The following CNTN5 variants were observed in gnomAD, a reference collection of about 807,000 sequenced individuals.
CNTN5 encodes the protein contactin-5.
CNTN5 carries 77 observed loss-of-function variants against 129.1 expected under a neutral mutation model. The ratio of observed to expected loss-of-function variants is 0.60; its 90% confidence interval spans 0.50 to 0.72. The LOEUF is 0.72. CNTN5 is among the 30% of genes least tolerant of loss of function. The pLI is 0.00. For missense variants in CNTN5, 1,478 were observed against 1,328.8 expected, an observed-to-expected ratio of 1.11 and a Z score of -1.75; for synonymous variants, 509 against 465.6, an observed-to-expected ratio of 1.09 and a Z score of -1.20.
At chr11:100,291,038 C>T (rs1165701484) in intron 18 of CNTN5, among the ~76,000 whole-genome samples, 12 of 148,750 alleles carry the variant, frequency 8.1e-5, no homozygotes, top group Non-Finnish European at 1.7e-4. Flanking sequence ...CAGAGAAATG[C>T]AAATCAAAAC....
At chr11:99,600,610 G>T (rs1307746467) in intron 3 of CNTN5, among the ~76,000 whole-genome samples, 1 of 152,038 alleles carries the variant, frequency 6.6e-6, no homozygotes, top group Non-Finnish European at 1.5e-5. Context: ...GAGGATTGGG[G>T]TACTGTTCTC....
intron 1 of CNTN5, among the ~76,000 whole-genome samples, chr11:99,296,971 G>A (rs191062695): frequency 2.9e-4 from 44 of 152,238 alleles, no homozygotes; most frequent in Admixed American, 8.5e-4. Context: ...CCTAGGTGGG[G>A]AATTGAACCA....
intron 2 of CNTN5, among the ~76,000 whole-genome samples, chr11:99,534,533 A>T (rs933804130): frequency 1.3e-5 from 2 of 152,362 alleles, no homozygotes; most frequent in South Asian, 4.1e-4. Context: ...TTGATGGACA[A>T]TTTATGCTAT....
At chr11:99,728,087 T>C (rs1026848006) in intron 3 of CNTN5, among the ~76,000 whole-genome samples, 5 of 152,172 alleles carry the variant, frequency 3.3e-5, no homozygotes, top group African/African-American at 1.2e-4. Context: ...CACCTGTATA[T>C]TAGAATCAGT....
chr11:99,505,670 A>G (rs1359362871), intron 2 of CNTN5, among the ~76,000 whole-genome samples: 4 of 152,336 alleles, frequency 2.6e-5, no homozygotes, highest in Non-Finnish European at 5.9e-5. Flanking sequence ...GGAAGATAAC[A>G]CAATTATATC....
chr11:100,343,895 C>CA (rs1490962302), intron 23 of CNTN5, among the ~76,000 whole-genome samples: 1 of 151,990 alleles, frequency 6.6e-6, no homozygotes, highest in Non-Finnish European at 1.5e-5. Flanking sequence ...GTGTCACTTA[C>CA]AAAAATTAAT....
intron 3 of CNTN5, among the ~76,000 whole-genome samples, chr11:99,689,163 G>T (rs551514369): frequency 1.3e-5 from 2 of 152,042 alleles, no homozygotes; most frequent in Non-Finnish European, 2.9e-5. Context: ...CTGCTTCTAG[G>T]TTTCTGAGAA....
chr11:99,839,421 A>G (rs537074991), intron 4 of CNTN5, among the ~76,000 whole-genome samples: 1 of 152,074 alleles, frequency 6.6e-6, no homozygotes, highest in African/African-American at 2.4e-5. Flanking sequence ...TTATATATAT[A>G]TATTTTTTTC....
At chr11:99,931,888 G>C (rs1002759742) in intron 7 of CNTN5, among the ~76,000 whole-genome samples, 1 of 152,150 alleles carries the variant, frequency 6.6e-6, no homozygotes, top group Non-Finnish European at 1.5e-5. Context: ...ATTCCAGAGA[G>C]TATCTAAGCT....
chr11:100,300,157 G>T (rs1951186899), intron 20 of CNTN5, among the ~76,000 whole-genome samples: 1 of 151,380 alleles, frequency 6.6e-6, no homozygotes, highest in Non-Finnish European at 1.5e-5. Flanking sequence ...ACTGTAAAGT[G>T]GTTATACTCA....
chr11:99,176,134 T>G (rs115831429), intron 1 of CNTN5, among the ~76,000 whole-genome samples: 1 of 152,350 alleles, frequency 6.6e-6, no homozygotes, highest in African/African-American at 2.4e-5. Flanking sequence ...AAGAATGATT[T>G]GTGATACTGT....
At chr11:99,535,453 G>C (rs759697611) in intron 2 of CNTN5, among the ~76,000 whole-genome samples, 1 of 152,078 alleles carries the variant, frequency 6.6e-6, no homozygotes, top group Non-Finnish European at 1.5e-5. Flanking sequence ...CTTCTTTGGT[G>C]CTATAGAAAA....
intron 6 of CNTN5, among the ~76,000 whole-genome samples, chr11:99,855,063 C>A (rs12417931): frequency 0.094 from 14,289 of 152,130 alleles, 1,302 homozygotes; most frequent in East Asian, 0.41. Flanking sequence ...AGTTGCAGCA[C>A]TTTGAGAGGC....
At chr11:99,947,405 C>A (rs569473600) in intron 7 of CNTN5, among the ~76,000 whole-genome samples, 1 of 151,310 alleles carries the variant, frequency 6.6e-6, no homozygotes, top group Non-Finnish European at 1.5e-5. Context: ...GAAAATAAAC[C>A]ATTTCAGTGC....
At chr11:99,394,635 A>G (rs2136195374) in intron 2 of CNTN5, among the ~76,000 whole-genome samples, 1 of 151,642 alleles carries the variant, frequency 6.6e-6, no homozygotes, top group Admixed American at 6.6e-5. Flanking sequence ...AGATTATTTC[A>G]TCACCCAGGT....
At chr11:100,062,233 T>C (rs1190314316) in intron 10 of CNTN5, among the ~76,000 whole-genome samples, 2 of 152,194 alleles carry the variant, frequency 1.3e-5, no homozygotes, top group Admixed American at 6.6e-5. Context: ...TTTGAATATA[T>C]AGTTATCCAA....
chr11:99,986,449 C>T (rs1938683331), intron 8 of CNTN5, among the ~76,000 whole-genome samples: 1 of 152,160 alleles, frequency 6.6e-6, no homozygotes, highest in East Asian at 1.9e-4. Context: ...TGCTACACCA[C>T]TAATTACAAA....
At chr11:99,192,707 C>A (rs1381378118) in intron 1 of CNTN5, among the ~76,000 whole-genome samples, 1 of 151,968 alleles carries the variant, frequency 6.6e-6, no homozygotes, top group Non-Finnish European at 1.5e-5. Flanking sequence ...CTAAAACATG[C>A]TTATTTAAAT....
intron 16 of CNTN5, among the ~76,000 whole-genome samples, chr11:100,229,538 C>G (rs1025471414): frequency 6.6e-6 from 1 of 152,172 alleles, no homozygotes; most frequent in Non-Finnish European, 1.5e-5. Flanking sequence ...GTGATTCTCA[C>G]TAGCAAGAGA....
Sources: allele counts gnomAD v4.1 joint callset (sites outside exome capture counted in the v4.1 genomes callset), GRCh38; gene constraint gnomAD v4.1.1; transcripts MANE v1.5; gene names NCBI Gene and HGNC (gene_info 2026-07-23, HGNC 2026-07-21).